The following EXOSC9 variants were observed in gnomAD, a reference collection of about 807,000 sequenced individuals.
EXOSC9 encodes exosome component 9.
Under a neutral mutation model 56.5 loss-of-function variants are expected in EXOSC9, and 38 were observed. The observed-to-expected ratio is 0.67, with a 90% CI of 0.52 to 0.88. The LOEUF is 0.88. EXOSC9 is among the 40% of genes least tolerant of loss of function. EXOSC9 has a pLI of 0.00. For synonymous variants in EXOSC9, 170 were observed against 170.8 expected (o/e 0.99, Z 0.04); for missense variants, 559 against 530.5 (o/e 1.05, Z -0.53).
chr4:121,803,432 G>T (rs1251348451), intron 4 of EXOSC9, among the ~76,000 whole-genome samples: 3 of 152,120 alleles, frequency 2.0e-5, no homozygotes, highest in Non-Finnish European at 4.4e-5. Flanking sequence ...ATTTGGATAG[G>T]TTTATCGATT....
rs77883885 is a variant in EXOSC9, at chr4:121,806,433, G to A, written c.523-1107G>A. On this transcript the variant is annotated intron_variant, in intron 5 of 11. Transcript: ENST00000243498. ...GCTGGGATTACAGACGTGAGCCACT[G>A]CCCCCAGCCGACCTTATAATGTTAA... Among the ~76,000 whole-genome samples the A allele has an allele frequency of 2.0e-4, 31 of 151,308 alleles. No homozygotes were observed. In the East Asian group the frequency reaches 5.4e-3, roughly 27 times the overall value.
At chr4:121,814,119 A>G in intron 10 of EXOSC9, 72 bp downstream of exon 10, 2 of 888,470 alleles carry the variant, frequency 2.3e-6, no homozygotes, top group Non-Finnish European at 3.5e-6. Context: ...TATATATATA[A>G]TGCATAAAAT....
At chr4:121,805,095 C>T (rs952906205) in intron 5 of EXOSC9, among the ~76,000 whole-genome samples, 3 of 152,186 alleles carry the variant, frequency 2.0e-5, no homozygotes, top group African/African-American at 7.2e-5. Flanking sequence ...CAGTGAGATG[C>T]TTACCCTGCA....
chr4:121,809,483 T>G (rs1488980946), intron 6 of EXOSC9, among the ~76,000 whole-genome samples: 1 of 152,188 alleles, frequency 6.6e-6, no homozygotes, highest in Non-Finnish European at 1.5e-5. Flanking sequence ...TTTTACATAC[T>G]CTGATTACAT....
chr4:121,814,912 A>G (rs895623702), intron 10 of EXOSC9: 3 of 152,228 alleles, frequency 2.0e-5, no homozygotes, highest in African/African-American at 7.2e-5. Flanking sequence ...TTATTTTCTT[A>G]CGTGGTAAGA....
chr4:121,802,446 AAACATT>A (rs1726895226), intron 2 of EXOSC9, among the ~76,000 whole-genome samples: 1 of 152,230 alleles, frequency 6.6e-6, no homozygotes, highest in Admixed American at 6.5e-5. Context: ...GTGGAATAGT[AAACATT>A]GTAATAAGAA....
chr4:121,816,950 T>TAA lies in EXOSC9; in HGVS notation c.*97_*98dup. Reference sequence around the variant, plus strand: ...GTATTTTTTATTCACAAATCCATTATAAAATCTAGCAGGATTTTAAAAATA... The same window carrying TAA: ...GTATTTTTTATTCACAAATCCATTATAAAAAATCTAGCAGGATTTTAAAAATA... On this transcript the variant is annotated 3_prime_UTR_variant, in exon 12 of 12. Coordinates refer to ENST00000243498, the MANE Select transcript of EXOSC9 (RefSeq NM_005033.3). The TAA allele has an allele frequency of 8.3e-7, 1 of 1,201,812 alleles. No homozygotes were observed. 74.4% of individuals were successfully genotyped at this position (1,201,812 alleles called of 1,614,324 possible). A position where few individuals can be genotyped will look rare whatever the true frequency, so the allele number is the denominator to read the frequency against.
chr4:121,815,740 A>G (rs558937279), intron 10 of EXOSC9: 3 of 989,448 alleles, frequency 3.0e-6, no homozygotes, highest in Non-Finnish European at 3.6e-6. Context: ...ATTTCTTGGA[A>G]TGTAAACTGG....
At position 121,816,980 on chromosome 4, in the gene EXOSC9, T is replaced by C. The variant is rs1724545194; in HGVS notation, c.*124T>C. 5.7e-6 allele frequency: 6 copies of C among 1,055,314 alleles called. No homozygotes were observed. Among genetic ancestry groups the C allele is most frequent in the Non-Finnish European group, 1.3e-6 (1 of 769,292 alleles). 65.4% of individuals were successfully genotyped at this position (1,055,314 alleles called of 1,614,324 possible). ...TCTAGCAGGATTTTAAAAATAGTTT[T>C]TTGTTTTTAATGTGCTTTAAAATAA... is the stretch of plus-strand genomic sequence containing the variant. On this transcript the variant is annotated 3_prime_UTR_variant, in exon 12 of 12. Coordinates refer to ENST00000243498, the MANE Select transcript of EXOSC9 (RefSeq NM_005033.3).
chr4:121,809,201 G>C (rs1473094574), intron 6 of EXOSC9, among the ~76,000 whole-genome samples: 2 of 151,656 alleles, frequency 1.3e-5, no homozygotes, highest in Admixed American at 1.3e-4. Flanking sequence ...TGCCCAGGCT[G>C]GTCCCAAACT....
chr4:121,813,685 C>T (rs61639241), intron 9 of EXOSC9, 181 bp from the exon 10 acceptor site: 9,244 of 528,890 alleles, frequency 0.017, 562 homozygotes, highest in African/African-American at 0.14. Flanking sequence ...TAAAATCTTG[C>T]CTGAGTTTTT....
intron 6 of EXOSC9, among the ~76,000 whole-genome samples, chr4:121,808,952 G>A (rs569508501): frequency 6.6e-6 from 1 of 151,264 alleles, no homozygotes; most frequent in African/African-American, 2.4e-5. Context: ...TAGGATTATA[G>A]GCTTGAGCCA....
Position 121,816,890 on chromosome 4 carries a change from TA to T in EXOSC9, c.*38del. The T allele has an allele frequency of 1.3e-6, 2 of 1,487,780 alleles. No homozygotes were observed. The highest frequency in any genetic ancestry group is 1.8e-6 in the Non-Finnish European group (2 of 1,110,576). 92.2% of individuals were successfully genotyped at this position (1,487,780 alleles called of 1,614,324 possible). On this transcript the variant is annotated 3_prime_UTR_variant, in exon 12 of 12. Coordinates refer to ENST00000243498, the MANE Select transcript of EXOSC9 (RefSeq NM_005033.3). ...GTTGTATATCTGTATATATAACTAT[TA>T]AAAGGGATATTTATTCCATTCTGAG... is the stretch of plus-strand genomic sequence containing the variant.
intron 4 of EXOSC9, among the ~76,000 whole-genome samples, chr4:121,803,664 C>T (rs1457707637): frequency 2.6e-5 from 4 of 152,120 alleles, no homozygotes; most frequent in African/African-American, 4.8e-5. Context: ...CTCAGCTTTC[C>T]GAGCAGCTGG....
intron 10 of EXOSC9, chr4:121,816,119 C>G: frequency 1.6e-6 from 1 of 634,528 alleles, no homozygotes; most frequent in Non-Finnish European, 2.7e-6. Context: ...CCACGCCTGG[C>G]TAATTTTTCT....
At chr4:121,802,250 T>G (rs552090138) in intron 2 of EXOSC9, among the ~76,000 whole-genome samples, 1 of 152,366 alleles carries the variant, frequency 6.6e-6, no homozygotes, top group Non-Finnish European at 1.5e-5. Flanking sequence ...TCCTGCTTTC[T>G]TTTTCCTGAG....
Position 121,801,410 on chromosome 4 carries a change from C to CG in EXOSC9, c.-13dup. ...CCGCGGATTCTGGTGCCTGTGGGGC[C>CG]GGTGACCCAACACCATGAAGGAAAC... On this transcript the variant is annotated 5_prime_UTR_variant, in exon 1 of 12. Coordinates refer to ENST00000243498, the MANE Select transcript of EXOSC9 (RefSeq NM_005033.3). The CG allele has an allele frequency of 6.2e-7, 1 of 1,612,922 alleles. No individual in the cohort carries two copies. The highest frequency in any genetic ancestry group is 8.5e-7 in the Non-Finnish European group (1 of 1,178,912).
intron 6 of EXOSC9, 99 bp downstream of exon 6, chr4:121,807,721 T>G: frequency 1.3e-6 from 1 of 773,732 alleles, no homozygotes; most frequent in Non-Finnish European, 2.3e-6. Flanking sequence ...AACACTTCCC[T>G]TAATAGTAAA....
chr4:121,810,180 A>C, intron 7 of EXOSC9, 81 bp downstream of exon 7: 2 of 1,202,246 alleles, frequency 1.7e-6, no homozygotes, highest in Non-Finnish European at 1.2e-6. Flanking sequence ...CAAAAATCCA[A>C]TGGGGATACT....
Sources: gnomAD v4.1 joint callset for allele counts (sites outside exome capture counted in the v4.1 genomes callset) on GRCh38, gnomAD v4.1.1 for gene constraint, MANE v1.5 for transcripts, NCBI Gene and HGNC (gene_info 2026-07-23, HGNC 2026-07-21) for gene names.